METTL22: variants seen among roughly 807,000 people sequenced by gnomAD.
METTL22 encodes methyltransferase 22, Kin17 lysine, also known as methyltransferase-like protein 22.
Under a neutral mutation model 48.4 loss-of-function variants are expected in METTL22, and 51 were observed. That is an observed-to-expected ratio of 1.05 (90% confidence interval 0.84 to 1.33). The LOEUF (loss-of-function observed/expected upper bound fraction) is 1.33, where lower values mean the gene tolerates loss of function less well. Ranked by LOEUF, METTL22 falls within the 40% of genes most tolerant of loss-of-function variation. The pLI, the probability that METTL22 is intolerant of heterozygous loss-of-function variation, is 0.00. For missense variants in METTL22, 678 were observed against 526.9 expected, an observed-to-expected ratio of 1.29 and a Z score of -2.81; for synonymous variants, 255 against 214.1, an observed-to-expected ratio of 1.19 and a Z score of -1.67.
intron 1 of METTL22, chr16:8,623,595 C>A (rs1053042702): frequency 6.6e-6 from 1 of 152,356 alleles, no homozygotes; most frequent in Admixed American, 6.5e-5. Context: ...ATTTCTCCAT[C>A]ACTTTCAATG....
chr16:8,663,051 T>C, the METTL22 span, among the ~76,000 whole-genome samples: 1 of 150,376 alleles, frequency 6.6e-6, no homozygotes, highest in Non-Finnish European at 1.5e-5. Flanking sequence ...CTACTAAAAA[T>C]ACAAAAATTA....
At chr16:8,641,984 C>A in intron 7 of METTL22, 143 bp from the exon 8 acceptor site, 1 of 670,792 alleles carries the variant, frequency 1.5e-6, no homozygotes, top group Non-Finnish European at 2.7e-6. Context: ...AGCAGGGAGT[C>A]TGGTCTGCCT....
At chr16:8,653,708 T>C (rs764777004), downstream of METTL22, among the ~76,000 whole-genome samples, 1 of 152,190 alleles carries the variant, frequency 6.6e-6, no homozygotes, top group African/African-American at 2.4e-5. Flanking sequence ...AATCCAACTT[T>C]ATTCTAAAGC....
At chr16:8,635,827 G>A (rs1332178798) in intron 5 of METTL22, among the ~76,000 whole-genome samples, 1 of 152,188 alleles carries the variant, frequency 6.6e-6, no homozygotes, top group Non-Finnish European at 1.5e-5. Context: ...GAGGCCCTGC[G>A]GTGAATGGAG....
chr16:8,632,617 T>C (rs1309122594), intron 3 of METTL22, among the ~76,000 whole-genome samples: 3 of 152,226 alleles, frequency 2.0e-5, no homozygotes, highest in African/African-American at 7.2e-5. Flanking sequence ...GCTGGGGTCC[T>C]TGACCACCTC....
At position 8,642,477 on chromosome 16, in the gene METTL22, G is replaced by A. The variant is rs376519641; in HGVS notation, c.922G>A (p.Asp308Asn). 8.1e-6 allele frequency: 13 copies of A among 1,614,042 alleles called. No individual in the cohort carries two copies. The highest frequency in any genetic ancestry group is 1.6e-4 in the Middle Eastern group (1 of 6,084). Reference sequence around the variant, plus strand: ...GCTTCCCACAGTGTTTTACGACGACGACTTGACTGATGCTGTGTTTAAAAC... The same window carrying A: ...GCTTCCCACAGTGTTTTACGACGACAACTTGACTGATGCTGTGTTTAAAAC... ...LFAAEVFYDD[D>N]LTDAVFKTLS... The change falls in exon 9 of 11, where the codon GAC (aspartate) becomes AAC (asparagine). Residue 308 changes from aspartate (D) to asparagine (N), a missense_variant. Physicochemically the swap from Asp to Asn is conservative, Grantham distance 23. Coordinates refer to ENST00000381920, the MANE Select transcript of METTL22 (RefSeq NM_024109.4).
At chr16:8,622,811 G>A (rs2055900195) in intron 1 of METTL22, among the ~76,000 whole-genome samples, 1 of 152,134 alleles carries the variant, frequency 6.6e-6, no homozygotes, top group African/African-American at 2.4e-5. Context: ...CCACTTAAAG[G>A]GAATCTCCTT....
At chr16:8,636,192 C>A (rs2056416115) in intron 5 of METTL22, among the ~76,000 whole-genome samples, 1 of 152,080 alleles carries the variant, frequency 6.6e-6, no homozygotes, top group African/African-American at 2.4e-5. Context: ...TGTTTAGCTC[C>A]CACTCATAAG....
At chr16:8,658,781 C>G in the METTL22 span, among the ~76,000 whole-genome samples, 1 of 152,218 alleles carries the variant, frequency 6.6e-6, no homozygotes, top group African/African-American at 2.4e-5. Context: ...TAGACACCCA[C>G]TCTGGGAGGT....
rs141418408 is a variant in METTL22, at chr16:8,640,430, T to C, written c.773-701T>C. ...GGGAGCATGACTCTTAAATCTTTATTTTCCCTATGTCTGGCACCGTCCCTG... is the reference window on the plus strand; with the variant it reads ...GGGAGCATGACTCTTAAATCTTTATCTTCCCTATGTCTGGCACCGTCCCTG... On this transcript the variant is annotated intron_variant, in intron 6 of 10. Coordinates refer to ENST00000381920, the MANE Select transcript of METTL22 (RefSeq NM_024109.4). Among the ~76,000 whole-genome samples, 272 of 151,798 alleles carry C rather than the reference T, an allele frequency of 1.8e-3. 3 individuals are homozygous for C. Among genetic ancestry groups the C allele is most frequent in the African/African-American group, 6.4e-3 (264 of 41,378 alleles).
chr16:8,622,375 G>C (rs1252619684), intron 1 of METTL22, among the ~76,000 whole-genome samples: 1 of 152,188 alleles, frequency 6.6e-6, no homozygotes, highest in African/African-American at 2.4e-5. Context: ...GAAGAAAGCT[G>C]GTAGCGTCTC....
At chr16:8,639,893 C>G (rs567529887) in intron 6 of METTL22, among the ~76,000 whole-genome samples, 23 of 152,092 alleles carry the variant, frequency 1.5e-4, no homozygotes, top group Non-Finnish European at 1.8e-4. Flanking sequence ...CGCCCCCCAC[C>G]ACCAACAGCC....
chr16:8,630,754 G>A (rs1345286932), intron 3 of METTL22, among the ~76,000 whole-genome samples: 1 of 152,150 alleles, frequency 6.6e-6, no homozygotes, highest in Non-Finnish European at 1.5e-5. Context: ...CTCACGGTGA[G>A]GCCCCCTTGT....
intron 2 of METTL22, among the ~76,000 whole-genome samples, chr16:8,626,020 A>G (rs2056038240): frequency 6.6e-6 from 1 of 152,178 alleles, no homozygotes; most frequent in Admixed American, 6.5e-5. Context: ...TTTCTTAAAG[A>G]CAATCTCACT....
chr16:8,645,301 G>A (rs1476624241), intron 10 of METTL22, among the ~76,000 whole-genome samples: 1 of 152,238 alleles, frequency 6.6e-6, no homozygotes, highest in East Asian at 1.9e-4. Flanking sequence ...ACGAGGAGCT[G>A]CCGCCCTTGC....
the METTL22 span, among the ~76,000 whole-genome samples, chr16:8,655,540 T>G: frequency 5.3e-5 from 8 of 152,196 alleles, no homozygotes; most frequent in Non-Finnish European, 1.2e-4. Flanking sequence ...TTTGTCACAT[T>G]CAGTTCTTCA....
chr16:8,653,773 C>T (rs920780394), downstream of METTL22, among the ~76,000 whole-genome samples: 2 of 152,074 alleles, frequency 1.3e-5, no homozygotes, highest in African/African-American at 4.8e-5. Context: ...AAACCTGCTT[C>T]CCCATCATTT....
chr16:8,661,774 T>A, the METTL22 span, among the ~76,000 whole-genome samples: 1 of 144,832 alleles, frequency 6.9e-6, no homozygotes, highest in Admixed American at 7.1e-5. Context: ...GGTCTCACTA[T>A]ATTGACCAGG....
At chr16:8,645,699 C>T (rs937084596) in intron 10 of METTL22, among the ~76,000 whole-genome samples, 1 of 152,116 alleles carries the variant, frequency 6.6e-6, no homozygotes, top group Admixed American at 6.6e-5. Context: ...TTGCTTGAGC[C>T]CAGAAGTTCA....
Sources: allele counts gnomAD v4.1 joint callset (sites outside exome capture counted in the v4.1 genomes callset), GRCh38; gene constraint gnomAD v4.1.1; transcripts MANE v1.5; gene names NCBI Gene and HGNC (gene_info 2026-07-23, HGNC 2026-07-21).